The following NAV2 variants were observed in gnomAD, a reference collection of about 807,000 sequenced individuals.
NAV2 encodes neuron navigator 2, also known as helicase, APC down-regulated 1.
A neutral mutation model predicts 223.2 loss-of-function variants in NAV2; 54 were observed. The ratio of observed to expected loss-of-function variants is 0.24; its 90% confidence interval spans 0.19 to 0.30. The LOEUF is 0.30. Ranked by LOEUF, NAV2 falls within the 10% of genes least tolerant of loss-of-function variation. The pLI is 1.00. For missense variants in NAV2, 2,806 were observed against 3,147.5 expected, an observed-to-expected ratio of 0.89 and a Z score of 2.60; for synonymous variants, 1,279 against 1,239.3, an observed-to-expected ratio of 1.03 and a Z score of -0.67.
chr11:19,648,710 C>A (rs192531006), intron 1 of NAV2, among the ~76,000 whole-genome samples: 44 of 152,264 alleles, frequency 2.9e-4, no homozygotes, highest in African/African-American at 1.0e-3. Flanking sequence ...CTATGGTTAG[C>A]CTTCAGGATA....
chr11:19,743,916 TA>T (rs1213768478), intron 1 of NAV2, among the ~76,000 whole-genome samples: 1 of 152,218 alleles, frequency 6.6e-6, no homozygotes, highest in Non-Finnish European at 1.5e-5. Flanking sequence ...GCCCTAATGC[TA>T]AGCCCATCTC....
chr11:19,692,656 C>A (rs1356177540), intron 1 of NAV2, among the ~76,000 whole-genome samples: 3 of 152,180 alleles, frequency 2.0e-5, no homozygotes, highest in African/African-American at 7.2e-5. Context: ...TCCTTAATTG[C>A]CTCCACAGGC....
intron 1 of NAV2, among the ~76,000 whole-genome samples, chr11:19,611,293 T>C (rs2046636494): frequency 6.6e-6 from 1 of 152,152 alleles, no homozygotes; most frequent in Non-Finnish European, 1.5e-5. Flanking sequence ...GAGATTTTGA[T>C]GGGGACACAG....
intron 20 of NAV2, among the ~76,000 whole-genome samples, chr11:20,063,681 G>T (rs555869751): frequency 6.6e-6 from 1 of 152,010 alleles, no homozygotes; most frequent in Non-Finnish European, 1.5e-5. Context: ...GGCTATAGCT[G>T]TATGCTATTT....
intron 4 of NAV2, among the ~76,000 whole-genome samples, chr11:19,870,593 C>G (rs2062419755): frequency 6.6e-5 from 10 of 152,082 alleles, no homozygotes; most frequent in Admixed American, 6.5e-4. Flanking sequence ...CCCATCTGTC[C>G]CATCCTCTCT....
At chr11:20,088,355 T>C (rs1375787441) in intron 26 of NAV2, among the ~76,000 whole-genome samples, 1 of 152,050 alleles carries the variant, frequency 6.6e-6, no homozygotes, top group Non-Finnish European at 1.5e-5. Context: ...CCCAGCTAAT[T>C]TGTGTATTTT....
chr11:20,082,707 T>C, intron 25 of NAV2: 1 of 1,164,158 alleles, frequency 8.6e-7, no homozygotes, highest in Non-Finnish European at 1.3e-6. Context: ...TTTGTTGCTG[T>C]GTAACCTCAT....
At chr11:19,630,939 G>GAAA (rs1199246744) in intron 1 of NAV2, among the ~76,000 whole-genome samples, 2 of 113,326 alleles carry the variant, frequency 1.8e-5, no homozygotes, top group Non-Finnish European at 1.8e-5. Flanking sequence ...AAAAAAAAAG[G>GAAA]AAAAAAGAAA....
intron 1 of NAV2, among the ~76,000 whole-genome samples, chr11:19,416,469 T>G (rs1450106362): frequency 3.3e-5 from 5 of 152,176 alleles, no homozygotes; most frequent in African/African-American, 2.4e-5. Flanking sequence ...TGGAAAAACA[T>G]TCCATGCTCA....
chr11:19,743,141 T>C (rs1235399091), intron 1 of NAV2, among the ~76,000 whole-genome samples: 1 of 152,180 alleles, frequency 6.6e-6, no homozygotes. Context: ...TATGTGAACT[T>C]GTTTCTTATC....
At chr11:19,468,231 T>C (rs1852438367) in intron 1 of NAV2, among the ~76,000 whole-genome samples, 1 of 152,222 alleles carries the variant, frequency 6.6e-6, no homozygotes, top group Non-Finnish European at 1.5e-5. Flanking sequence ...TGTAAAAATA[T>C]TTTTTAAATG....
intron 1 of NAV2, among the ~76,000 whole-genome samples, chr11:19,799,030 C>T (rs1233560362): frequency 6.6e-6 from 1 of 152,180 alleles, no homozygotes; most frequent in African/African-American, 2.4e-5. Flanking sequence ...AGGCTGGGTC[C>T]TGCAAGACCA....
intron 17 of NAV2, among the ~76,000 whole-genome samples, chr11:20,051,572 A>G (rs2058011976): frequency 6.6e-6 from 1 of 152,202 alleles, no homozygotes; most frequent in Non-Finnish European, 1.5e-5. Context: ...AAACCATCTC[A>G]TGAAAAACAT....
chr11:19,778,202 A>G (rs1178100041), intron 1 of NAV2: 5 of 395,202 alleles, frequency 1.3e-5, no homozygotes, highest in African/African-American at 1.1e-4. Flanking sequence ...TGTGATCGGA[A>G]ATCTCTGGGT....
intron 1 of NAV2, among the ~76,000 whole-genome samples, chr11:19,678,973 C>G (rs936260528): frequency 2.6e-5 from 4 of 152,188 alleles, no homozygotes; most frequent in Non-Finnish European, 5.9e-5. Context: ...GTTATGTTGA[C>G]TAATATTTAT....
rs564965402 is a variant in NAV2, at chr11:19,785,637, C to T, written c.268-46847C>T. Among the ~76,000 whole-genome samples the T allele has an allele frequency of 1.5e-3, 218 of 142,362 alleles. 1 individual carries two copies. The highest frequency in any genetic ancestry group is 5.5e-3 in the African/African-American group (201 of 36,822). 93.4% of individuals were successfully genotyped at this position (142,362 alleles called of 152,430 possible). On this transcript the variant is annotated intron_variant, in intron 1 of 37. Transcript: ENST00000349880. The stretch of plus-strand genomic sequence containing the variant: ...GAAATTAAATAAGATGAGTTTATTG[C>T]GTCAGCTGGCTTTTTTTTTTTTAAA...
intron 4 of NAV2, among the ~76,000 whole-genome samples, chr11:19,876,210 T>C (rs1345202828): frequency 1.3e-5 from 2 of 152,140 alleles, no homozygotes; most frequent in Non-Finnish European, 2.9e-5. Flanking sequence ...GTATTTTTAG[T>C]AGAGACGGTG....
intron 1 of NAV2, among the ~76,000 whole-genome samples, chr11:19,413,739 C>G (rs1176331822): frequency 6.6e-6 from 1 of 152,148 alleles, no homozygotes; most frequent in Non-Finnish European, 1.5e-5. Context: ...TGTAGAAACC[C>G]TACAAGCCAG....
intron 1 of NAV2, among the ~76,000 whole-genome samples, chr11:19,353,810 C>A (rs992261811): frequency 7.2e-5 from 11 of 152,150 alleles, no homozygotes; most frequent in African/African-American, 2.2e-4. Flanking sequence ...ATATAAATTT[C>A]TCATTTCTCT....
Sources: allele counts gnomAD v4.1 joint callset (sites outside exome capture counted in the v4.1 genomes callset), GRCh38; gene constraint gnomAD v4.1.1; transcripts MANE v1.5; gene names NCBI Gene and HGNC (gene_info 2026-07-23, HGNC 2026-07-21).